The following CARMIL1 variants were observed in gnomAD, a reference collection of about 807,000 sequenced individuals.
The protein encoded by CARMIL1 is capping protein regulator and myosin 1 linker 1, also known as F-actin-uncapping protein LRRC16A.
CARMIL1 carries 90 observed loss-of-function variants against 177.1 expected under a neutral mutation model. That is an observed-to-expected ratio of 0.51 (90% CI 0.43 to 0.61). The LOEUF (loss-of-function observed/expected upper bound fraction) is 0.61, where lower values mean the gene tolerates loss of function less well. Among genes scored for constraint, CARMIL1 ranks in the 20% least tolerant of loss-of-function variants. The probability of loss-of-function intolerance (pLI) is 0.00; values close to 1 mark genes in which losing one functional copy is unlikely to be tolerated. For missense variants in CARMIL1, 1,380 were observed against 1,667.0 expected, an observed-to-expected ratio of 0.83 and a Z score of 3.00; for synonymous variants, 577 against 606.2, an observed-to-expected ratio of 0.95 and a Z score of 0.71.
At chr6:25,584,485 A>C (rs562679502) in intron 31 of CARMIL1, among the ~76,000 whole-genome samples, 21 of 150,968 alleles carry the variant, frequency 1.4e-4, no homozygotes, top group African/African-American at 4.9e-4. Flanking sequence ...CCAGTAACAA[A>C]AGACAGGTCA....
intron 13 of CARMIL1, among the ~76,000 whole-genome samples, 162 bp downstream of exon 13, chr6:25,488,747 C>T (rs894340552): frequency 9.9e-5 from 15 of 152,126 alleles, no homozygotes; most frequent in African/African-American, 3.1e-4. Flanking sequence ...CTGAAAATTC[C>T]AGAGCATTCG....
intron 2 of CARMIL1, among the ~76,000 whole-genome samples, chr6:25,418,863 G>A (rs946322577): frequency 2.0e-5 from 3 of 152,034 alleles, no homozygotes; most frequent in African/African-American, 7.2e-5. Context: ...TTCCTCACCC[G>A]CTTTTATCAC....
intron 24 of CARMIL1, 149 bp from the exon 25 acceptor site, chr6:25,537,706 T>C (rs212934): frequency 0.6 from 486,387 of 806,078 alleles, 148,605 homozygotes; most frequent in Middle Eastern, 0.69. Flanking sequence ...GCATTCTCAG[T>C]GACTCCAGTT....
chr6:25,608,996 T>G (rs527979171), intron 35 of CARMIL1, among the ~76,000 whole-genome samples: 5 of 147,318 alleles, frequency 3.4e-5, no homozygotes, highest in African/African-American at 9.8e-5. Context: ...AGCTGATTAC[T>G]TTTTTTTTTA....
At position 25,601,244 on chromosome 6, in the gene CARMIL1, C is replaced by A. The variant is rs181444240; in HGVS notation, c.3552+498C>A. Among the ~76,000 whole-genome samples, 7 of 152,308 alleles carry A rather than the reference C, an allele frequency of 4.6e-5. No individual in the cohort carries two copies. In the East Asian group the frequency reaches 1.2e-3, roughly 25 times the overall value. On this transcript the variant is annotated intron_variant, in intron 33 of 36. Transcript: ENST00000329474. ...TGGAGCACAGACCCTAAAGAAATGGCCATGTTCTCACTTTGGCCTGAGGGT... is the reference window on the plus strand; with the variant it reads ...TGGAGCACAGACCCTAAAGAAATGGACATGTTCTCACTTTGGCCTGAGGGT...
At chr6:25,594,325 A>G in intron 31 of CARMIL1, 90 bp from the exon 32 acceptor site, 2 of 763,356 alleles carry the variant, frequency 2.6e-6, no homozygotes, top group Non-Finnish European at 4.4e-6. Context: ...TCCCTCCCAT[A>G]GCCCTTAATC....
intron 29 of CARMIL1, among the ~76,000 whole-genome samples, chr6:25,567,693 G>A (rs1811676464): frequency 6.6e-6 from 1 of 152,148 alleles, no homozygotes; most frequent in Non-Finnish European, 1.5e-5. Flanking sequence ...AAAAAGAAGT[G>A]GCCTAAATGT....
chr6:25,520,415 CT>C, intron 23 of CARMIL1, 78 bp downstream of exon 23: 2 of 811,034 alleles, frequency 2.5e-6, no homozygotes, highest in Admixed American at 2.8e-5. Context: ...ATAAACAATA[CT>C]TTGTTATTTT....
intron 2 of CARMIL1, among the ~76,000 whole-genome samples, chr6:25,292,869 A>C (rs1483291689): frequency 6.6e-6 from 1 of 152,158 alleles, no homozygotes; most frequent in Non-Finnish European, 1.5e-5. Flanking sequence ...AGAAGCCAGG[A>C]AATCTAATCA....
intron 2 of CARMIL1, among the ~76,000 whole-genome samples, chr6:25,410,314 G>T (rs950460709): frequency 1.4e-4 from 21 of 152,270 alleles, no homozygotes; most frequent in African/African-American, 5.1e-4. Context: ...GAGGGACTGC[G>T]GCAATAGACT....
At chr6:25,436,036 T>TA (rs1562133004) in intron 5 of CARMIL1, among the ~76,000 whole-genome samples, 1 of 152,160 alleles carries the variant, frequency 6.6e-6, no homozygotes. Flanking sequence ...ACAAGAAACC[T>TA]AAAAAAATTG....
intron 3 of CARMIL1, among the ~76,000 whole-genome samples, chr6:25,424,475 TTTTCATA>T (rs1230582989): frequency 2.6e-5 from 4 of 152,170 alleles, no homozygotes; most frequent in Non-Finnish European, 5.9e-5. Context: ...GCTAGCTGCA[TTTTCATA>T]GCTGTTAGCA....
intron 2 of CARMIL1, among the ~76,000 whole-genome samples, chr6:25,314,643 T>G (rs1784137134): frequency 6.6e-6 from 1 of 152,088 alleles, no homozygotes; most frequent in Non-Finnish European, 1.5e-5. Flanking sequence ...ATGTCACATA[T>G]CCATGTTGTT....
intron 7 of CARMIL1, 39 bp downstream of exon 7, chr6:25,450,448 T>A (rs758422625): frequency 4.0e-6 from 6 of 1,481,670 alleles, no homozygotes; most frequent in Admixed American, 1.7e-5. Context: ...GCACACACAC[T>A]CCTGGAGAAT....
At chr6:25,317,022 A>AC (rs1784334516) in intron 2 of CARMIL1, among the ~76,000 whole-genome samples, 1 of 152,214 alleles carries the variant, frequency 6.6e-6, no homozygotes, top group Non-Finnish European at 1.5e-5. Context: ...GAAGACTGTT[A>AC]CTACAATTTT....
Position 25,600,758 on chromosome 6 carries a change from C to A in CARMIL1, c.3552+12C>A. 6.8e-7 allele frequency: 1 copy of A among 1,468,768 alleles called. No homozygotes were observed. Among genetic ancestry groups the A allele is most frequent in the Non-Finnish European group, 9.0e-7 (1 of 1,109,828 alleles). 91.0% of individuals were successfully genotyped at this position (1,468,768 alleles called of 1,614,324 possible). On this transcript the variant is annotated intron_variant, in intron 33 of 36. Coordinates refer to ENST00000329474, the MANE Select transcript of CARMIL1 (RefSeq NM_017640.6). ...CGTGTGCGCAGAAGGTAAGGGTGGA[C>A]CTATTTTTAATTCATTCATTTATTT...
intron 2 of CARMIL1, among the ~76,000 whole-genome samples, chr6:25,306,150 C>T (rs1439599915): frequency 6.6e-6 from 1 of 152,024 alleles, no homozygotes; most frequent in African/African-American, 2.4e-5. Flanking sequence ...CAGAAAATAT[C>T]CCTATTTGGC....
chr6:25,436,104 A>G (rs1278553524), intron 5 of CARMIL1, among the ~76,000 whole-genome samples: 1 of 152,126 alleles, frequency 6.6e-6, no homozygotes, highest in Non-Finnish European at 1.5e-5. Flanking sequence ...CCCATTAGGC[A>G]TATTAGTAAA....
At position 25,537,910 on chromosome 6, in the gene CARMIL1, GTGGGGGA is replaced by G; in HGVS notation, c.2124_2130del (p.Cys708TrpfsTer8). The G allele has an allele frequency of 6.2e-7, 1 of 1,608,932 alleles. No homozygotes were observed. Among genetic ancestry groups the G allele is most frequent in the South Asian group, 1.1e-5 (1 of 89,448 alleles). ...GATCATCTCAACTCCTTACGAAATT[GTGGGGGA>G]GACGCTATCCAGGAAGATTTAAAAT... On this transcript the variant is annotated frameshift_variant, in exon 25 of 37. Transcript: ENST00000329474. LOFTEE classifies it high-confidence loss of function.
Sources: allele counts gnomAD v4.1 joint callset (sites outside exome capture counted in the v4.1 genomes callset), GRCh38; gene constraint gnomAD v4.1.1; transcripts MANE v1.5; gene names NCBI Gene and HGNC (gene_info 2026-07-23, HGNC 2026-07-21).